The following ARHGAP28 variants were observed in gnomAD, a reference collection of about 807,000 sequenced individuals.
The protein encoded by ARHGAP28 is rho GTPase-activating protein 28.
Under a neutral mutation model 90.7 loss-of-function variants are expected in ARHGAP28, and 56 were observed. That is an observed-to-expected ratio of 0.62 (90% CI 0.50 to 0.77). The LOEUF is 0.77. Among genes scored for constraint, ARHGAP28 ranks in the 30% least tolerant of loss-of-function variants. The pLI, the probability that ARHGAP28 is intolerant of heterozygous loss-of-function variation, is 0.00. For missense variants in ARHGAP28, 869 were observed against 900.9 expected, an observed-to-expected ratio of 0.96 and a Z score of 0.45; for synonymous variants, 308 against 323.3, an observed-to-expected ratio of 0.95 and a Z score of 0.51.
At chr18:6,766,642 A>C (rs1432797928) in intron 1 of ARHGAP28, among the ~76,000 whole-genome samples, 1 of 152,086 alleles carries the variant, frequency 6.6e-6, no homozygotes, top group Admixed American at 6.5e-5. Flanking sequence ...TGGGGACCCA[A>C]AAGTCCCAGA....
intron 1 of ARHGAP28, among the ~76,000 whole-genome samples, chr18:6,797,685 G>A (rs1035253191): frequency 1.1e-4 from 16 of 148,558 alleles, no homozygotes; most frequent in South Asian, 2.1e-4. Context: ...TTTTTAAGTC[G>A]CAGTCTCACT....
chr18:6,769,139 G>A (rs1422011439), intron 1 of ARHGAP28, among the ~76,000 whole-genome samples: 3 of 151,844 alleles, frequency 2.0e-5, no homozygotes, highest in Admixed American at 1.3e-4. Flanking sequence ...AAGAGACTCC[G>A]GGGCCATTGA....
chr18:6,808,410 T>C (rs2056534113), intron 1 of ARHGAP28, among the ~76,000 whole-genome samples: 1 of 152,198 alleles, frequency 6.6e-6, no homozygotes, highest in Non-Finnish European at 1.5e-5. Flanking sequence ...TGTCTTTCTA[T>C]TGAGATTTTT....
At chr18:6,807,914 C>T (rs1313023567) in intron 1 of ARHGAP28, among the ~76,000 whole-genome samples, 1 of 152,218 alleles carries the variant, frequency 6.6e-6, no homozygotes, top group African/African-American at 2.4e-5. Flanking sequence ...CCTGGAAGCT[C>T]TCCCTAAGCA....
chr18:6,761,758 C>A (rs1275111747), intron 1 of ARHGAP28, among the ~76,000 whole-genome samples: 1 of 152,204 alleles, frequency 6.6e-6, no homozygotes, highest in Non-Finnish European at 1.5e-5. Context: ...TCAACTTGGG[C>A]TCTGCAATTC....
At chr18:6,751,612 C>A (rs1012719141) in intron 1 of ARHGAP28, among the ~76,000 whole-genome samples, 1 of 152,146 alleles carries the variant, frequency 6.6e-6, no homozygotes, top group African/African-American at 2.4e-5. Flanking sequence ...AGGCAAAATT[C>A]TCTGTGCTAA....
chr18:6,816,000 C>A (rs1193520858), intron 1 of ARHGAP28, among the ~76,000 whole-genome samples: 1 of 151,996 alleles, frequency 6.6e-6, no homozygotes, highest in East Asian at 1.9e-4. Flanking sequence ...AATCTACAAA[C>A]ACATTTTTCT....
chr18:6,737,793 G>A (rs2055941489), intron 1 of ARHGAP28, among the ~76,000 whole-genome samples: 2 of 152,158 alleles, frequency 1.3e-5, no homozygotes, highest in South Asian at 4.1e-4. Context: ...AGTCTCTAAA[G>A]TGGGAAATAA....
At chr18:6,900,070 T>G (rs2057330425) in intron 16 of ARHGAP28, among the ~76,000 whole-genome samples, 1 of 152,104 alleles carries the variant, frequency 6.6e-6, no homozygotes, top group Non-Finnish European at 1.5e-5. Context: ...AGGAGGGAGC[T>G]GATCTTACAC....
At chr18:6,804,087 G>C (rs188146592) in intron 1 of ARHGAP28, among the ~76,000 whole-genome samples, 2 of 152,256 alleles carry the variant, frequency 1.3e-5, no homozygotes, top group Admixed American at 6.5e-5. Context: ...CCTCTTGGTA[G>C]AAAAGTTTTA....
At chr18:6,744,417 C>G (rs991975639) in intron 1 of ARHGAP28, among the ~76,000 whole-genome samples, 6 of 152,272 alleles carry the variant, frequency 3.9e-5, no homozygotes, top group Admixed American at 2.0e-4. Flanking sequence ...TAGTTGACCT[C>G]AAGGGTCTTT....
At chr18:6,745,839 TG>T (rs1274955891) in intron 1 of ARHGAP28, among the ~76,000 whole-genome samples, 2 of 152,194 alleles carry the variant, frequency 1.3e-5, no homozygotes, top group African/African-American at 4.8e-5. Context: ...ATCCTATTAT[TG>T]TACCCAATTG....
At chr18:6,835,239 G>A (rs554084286) in intron 2 of ARHGAP28, among the ~76,000 whole-genome samples, 2 of 152,120 alleles carry the variant, frequency 1.3e-5, no homozygotes, top group South Asian at 4.2e-4. Flanking sequence ...AGGTGGAGGG[G>A]AAAAACAACT....
intron 2 of ARHGAP28, among the ~76,000 whole-genome samples, chr18:6,825,347 CTATT>C (rs2056654547): frequency 6.6e-6 from 1 of 152,044 alleles, no homozygotes; most frequent in African/African-American, 2.4e-5. Flanking sequence ...TAATACTTGA[CTATT>C]AATTACTATT....
chr18:6,791,500 A>G (rs991442935), intron 1 of ARHGAP28: 2 of 152,214 alleles, frequency 1.3e-5, no homozygotes, highest in African/African-American at 2.4e-5. Flanking sequence ...ATTTTATATA[A>G]TAAGTATTTA....
intron 1 of ARHGAP28, among the ~76,000 whole-genome samples, chr18:6,792,289 A>G (rs1036239087): frequency 1.3e-5 from 2 of 152,216 alleles, no homozygotes; most frequent in African/African-American, 2.4e-5. Flanking sequence ...TACATTTAAT[A>G]CATGTGCAGT....
intron 1 of ARHGAP28, among the ~76,000 whole-genome samples, chr18:6,808,669 T>A (rs558985218): frequency 6.6e-6 from 1 of 152,328 alleles, no homozygotes; most frequent in South Asian, 2.1e-4. Context: ...AAGGTTTCCA[T>A]TGTATATCTT....
rs1418525870 is a variant in ARHGAP28 at position 6,889,928 on chromosome 18, C to A, written c.1577C>A (p.Ser526Ter). Reference protein sequence around the residue: ...TFFNKVIANESKNRMSLWNIS... With the variant: ...TFFNKVIANE ...TTCAATAAAGTGATTGCCAATGAAT[C>A]AAAAAACCGAATGAGTCTGTGGAAC... The change falls in exon 13 of 18, where the codon TCA becomes TAA. Residue 526 changes from serine (S) to a stop codon, truncating the protein, a stop_gained. Coordinates refer to ENST00000383472, the MANE Select transcript of ARHGAP28 (RefSeq NM_001366230.1). LOFTEE classifies it high-confidence loss of function. 2 of 1,614,118 alleles carry A rather than the reference C, an allele frequency of 1.2e-6. No individual in the cohort carries two copies. The highest frequency in any genetic ancestry group is 1.3e-5 in the African/African-American group (1 of 75,046).
chr18:6,738,794 C>T (rs2055950441), intron 1 of ARHGAP28, among the ~76,000 whole-genome samples: 1 of 152,070 alleles, frequency 6.6e-6, no homozygotes, highest in Admixed American at 6.6e-5. Flanking sequence ...AATAAATAAA[C>T]GCAGTCAAAG....
Sources: allele counts gnomAD v4.1 joint callset (sites outside exome capture counted in the v4.1 genomes callset), GRCh38; gene constraint gnomAD v4.1.1; transcripts MANE v1.5; gene names NCBI Gene and HGNC (gene_info 2026-07-23, HGNC 2026-07-21).